The following SPAG9 variants were observed in gnomAD, a reference collection of about 807,000 sequenced individuals.
SPAG9 encodes sperm associated antigen 9, also known as C-Jun-amino-terminal kinase-interacting protein 4.
In SPAG9, 35 loss-of-function variants were observed where a neutral mutation model predicts 166.5. That is an observed-to-expected ratio of 0.21 (90% CI 0.16 to 0.28). The LOEUF is 0.28. Ranked by LOEUF, SPAG9 falls within the 10% of genes least tolerant of loss-of-function variation. SPAG9 has a pLI of 1.00. For missense variants in SPAG9, 1,235 were observed against 1,603.3 expected, an observed-to-expected ratio of 0.77 and a Z score of 3.92; for synonymous variants, 534 against 565.5, an observed-to-expected ratio of 0.94 and a Z score of 0.79.
Position 50,993,726 on chromosome 17 carries a change from T to TGGAGG in SPAG9, c.2398+33_2398+37dup, listed in dbSNP as rs765261677. 31 of 1,600,206 alleles carry TGGAGG rather than the reference T, an allele frequency of 1.9e-5. No homozygotes were observed. The African/African-American group carries it at 3.9e-4, about 20-fold the overall frequency. On this transcript the variant is annotated intron_variant, in intron 19 of 29. Coordinates refer to ENST00000262013, the MANE Select transcript of SPAG9 (RefSeq NM_001130528.3). ...CATCAGTGCCCAGCAGGTAGGTGGA[T>TGGAGG]GGAGGGGAGGGCAGAGAAACGCATG...
intron 2 of SPAG9, among the ~76,000 whole-genome samples, chr17:51,061,291 T>C (rs1428888068): frequency 6.6e-6 from 1 of 152,174 alleles, no homozygotes; most frequent in Non-Finnish European, 1.5e-5. Context: ...TTTGTTTGCA[T>C]TGCTTTGTGT....
chr17:51,019,445 T>G (rs562192178), intron 8 of SPAG9, among the ~76,000 whole-genome samples: 75 of 151,858 alleles, frequency 4.9e-4, no homozygotes, highest in Non-Finnish European at 1.0e-3. Context: ...TAATCCCAGC[T>G]ACTCGGGAAG....
intron 24 of SPAG9, among the ~76,000 whole-genome samples, chr17:50,982,992 AC>A (rs1974769744): frequency 6.6e-6 from 1 of 152,200 alleles, no homozygotes; most frequent in Non-Finnish European, 1.5e-5. Context: ...ATTAGAATGG[AC>A]TTAAGGTTAT....
At chr17:51,020,949 T>C (rs1434568081) in intron 7 of SPAG9, among the ~76,000 whole-genome samples, 3 of 152,214 alleles carry the variant, frequency 2.0e-5, no homozygotes, top group Admixed American at 2.0e-4. Context: ...GAAAAAAGTA[T>C]GTACATGTTT....
intron 1 of SPAG9, among the ~76,000 whole-genome samples, chr17:51,083,714 T>G (rs1181886350): frequency 6.6e-6 from 1 of 151,958 alleles, no homozygotes; most frequent in African/African-American, 2.4e-5. Flanking sequence ...AGCCACCATG[T>G]TTAACTTTCC....
intron 11 of SPAG9, 43 bp downstream of exon 11, chr17:51,006,042 A>G: frequency 6.2e-7 from 1 of 1,603,608 alleles, no homozygotes; most frequent in Non-Finnish European, 8.5e-7. Context: ...TTGTGGCATA[A>G]CTGGCAAAGA....
chr17:50,965,818 T>C lies in SPAG9; in HGVS notation c.*454A>G. The C allele has an allele frequency of 6.4e-6, 1 of 157,428 alleles. No homozygotes were observed. Among genetic ancestry groups the C allele is most frequent in the Admixed American group, 6.1e-5 (1 of 16,486 alleles). The allele number at this position is 157,428 out of a possible 1,614,324, so 9.8% of individuals were successfully genotyped here. On this transcript the variant is annotated 3_prime_UTR_variant, in exon 30 of 30. Coordinates refer to ENST00000262013, the MANE Select transcript of SPAG9 (RefSeq NM_001130528.3). ...CATTTAGATACATCCTGATAATCCA[T>C]CTTGTATTAGTGTGTGTCAATTTTA...
intron 28 of SPAG9, 68 bp downstream of exon 28, chr17:50,974,703 A>T: frequency 7.3e-7 from 1 of 1,362,420 alleles, no homozygotes; most frequent in Non-Finnish European, 1.0e-6. Flanking sequence ...ACTATTAGGT[A>T]GTGGAACCAA....
intron 1 of SPAG9, among the ~76,000 whole-genome samples, chr17:51,096,251 A>G (rs935921627): frequency 2.0e-4 from 30 of 151,530 alleles, no homozygotes; most frequent in Admixed American, 1.5e-3. Flanking sequence ...TGGGAGGCTG[A>G]GGCAGCAGAA....
chr17:50,998,585 G>T lies in SPAG9; in HGVS notation c.1697C>A (p.Thr566Lys), dbSNP rs772719231. Reference protein sequence around the residue: ...FSRLFSSSSNTTKKPEPPVNL... With the variant: ...FSRLFSSSSNKTKKPEPPVNL... ...AACAGGTGGTTCAGGCTTCTTAGTC[G>T]TGTTACTTGAGGAGCTGAAAAGTCG... is the stretch of plus-strand genomic sequence containing the variant. Residue 566 changes from threonine (T) to lysine (K), a missense_variant, in exon 15 of 30, where the codon ACG becomes AAG. This residue lies in a region of SPAG9 where 125 missense variants were observed against 194.0 expected (regional missense o/e 0.64). Transcript: ENST00000262013. 1.2e-6 allele frequency: 2 copies of T among 1,614,108 alleles called. No homozygotes were observed. Among genetic ancestry groups the T allele is most frequent in the Non-Finnish European group, 1.7e-6 (2 of 1,179,994 alleles).
rs141296954 is a variant in SPAG9 at position 51,005,603 on chromosome 17, C to T, written c.1425-340G>A. On this transcript the variant is annotated intron_variant, in intron 11 of 29. Coordinates refer to ENST00000262013, the MANE Select transcript of SPAG9 (RefSeq NM_001130528.3). Reference sequence around the variant, plus strand: ...CAGTGGCTCACGCCTGTAATCCCGGCACTTTGGGAGGCCGAGGCAGGTGGA... The same window carrying T: ...CAGTGGCTCACGCCTGTAATCCCGGTACTTTGGGAGGCCGAGGCAGGTGGA... Among the ~76,000 whole-genome samples, 1,182 of 152,356 alleles carry T rather than the reference C, an allele frequency of 7.8e-3. 21 individuals carry two copies. The highest frequency in any genetic ancestry group is 0.027 in the African/African-American group (1,133 of 41,578).
chr17:51,041,496 C>T lies in SPAG9; in HGVS notation c.741+5G>A. ...CTGACACAATTTCAGCAGCATAAAGCTTACCTTCAGGCTGGTATGAGAACG... is the reference window on the plus strand; with the variant it reads ...CTGACACAATTTCAGCAGCATAAAGTTTACCTTCAGGCTGGTATGAGAACG... On this transcript the variant is annotated splice_donor_5th_base_variant and intron_variant, in intron 5 of 29. Transcript: ENST00000262013. 1 of 1,611,704 alleles carries T rather than the reference C, an allele frequency of 6.2e-7. No individual in the cohort carries two copies. Among genetic ancestry groups the T allele is most frequent in the South Asian group, 1.1e-5 (1 of 90,610 alleles).
At chr17:50,998,901 T>G (rs2044800890) in intron 14 of SPAG9, among the ~76,000 whole-genome samples, 1 of 152,188 alleles carries the variant, frequency 6.6e-6, no homozygotes, top group African/African-American at 2.4e-5. Context: ...AGAGGAAACT[T>G]CTCCTACTGA....
At chr17:51,053,849 AAAAAAGTATATATATATAT>A (rs2047255665) in intron 3 of SPAG9, among the ~76,000 whole-genome samples, 1 of 69,718 alleles carries the variant, frequency 1.4e-5, no homozygotes, top group Admixed American at 2.0e-4. Context: ...AAAAAAAAAA[AAAAAAGTATATATATATAT>A]ATATATATAT....
At chr17:51,013,491 G>C (rs1446127516) in intron 9 of SPAG9, among the ~76,000 whole-genome samples, 1 of 152,114 alleles carries the variant, frequency 6.6e-6, no homozygotes, top group Non-Finnish European at 1.5e-5. Context: ...CAGACAATAA[G>C]TAAATGGTGG....
chr17:51,081,875 C>T (rs1239662866), intron 1 of SPAG9, among the ~76,000 whole-genome samples: 1 of 152,160 alleles, frequency 6.6e-6, no homozygotes, highest in Non-Finnish European at 1.5e-5. Context: ...TCATCCCCTA[C>T]TTCTCTTCCT....
chr17:51,054,532 G>GT, intron 3 of SPAG9, among the ~76,000 whole-genome samples: 1 of 152,032 alleles, frequency 6.6e-6, no homozygotes, highest in Middle Eastern at 3.4e-3. Flanking sequence ...CGCCTCCTGG[G>GT]TTCACACCAT....
intron 28 of SPAG9, among the ~76,000 whole-genome samples, chr17:50,971,958 G>C (rs994873857): frequency 6.6e-6 from 1 of 151,260 alleles, no homozygotes; most frequent in African/African-American, 2.4e-5. Flanking sequence ...GTAGAGATGG[G>C]GTTTCACCAA....
chr17:51,068,514 A>G (rs1278930585), intron 2 of SPAG9, among the ~76,000 whole-genome samples: 3 of 152,166 alleles, frequency 2.0e-5, no homozygotes, highest in Non-Finnish European at 4.4e-5. Flanking sequence ...AAAGCTGATG[A>G]TTCTCCTACC....
Sources: allele counts gnomAD v4.1 joint callset (sites outside exome capture counted in the v4.1 genomes callset), GRCh38; gene constraint gnomAD v4.1.1; regional missense constraint gnomAD v4.1.1; transcripts MANE v1.5; gene names NCBI Gene and HGNC (gene_info 2026-07-23, HGNC 2026-07-21).